Variants in NOTCH3 observed in about 807,000 individuals in gnomAD.
NOTCH3 encodes the protein neurogenic locus notch homolog protein 3.
Under a neutral mutation model 213.3 loss-of-function variants are expected in NOTCH3, and 86 were observed. The observed-to-expected ratio is 0.40, with a 90% CI of 0.34 to 0.48. The LOEUF is 0.48. Among genes scored for constraint, NOTCH3 ranks in the 20% least tolerant of loss-of-function variants. NOTCH3 has a pLI of 0.57. For synonymous variants in NOTCH3, 1,354 were observed against 1,355.9 expected, an observed-to-expected ratio of 1.00 and a Z score of 0.03; for missense variants, 2,783 against 3,272.6, an observed-to-expected ratio of 0.85 and a Z score of 3.65.
In NOTCH3 at chr19:15,180,081, G is replaced by A. The variant is rs749127327; in HGVS notation, c.3318C>T (p.Tyr1106=). 1.9e-6 allele frequency: 3 copies of A among 1,608,670 alleles called. No homozygotes were observed. Among genetic ancestry groups the A allele is most frequent in the Non-Finnish European group, 2.5e-6 (3 of 1,176,840 alleles). ...GGTCRGYMGG[Y]MCECLPGYNG... is the part of the protein sequence containing the mutation. ...GGGAGCGCCCCCTTACCTCACACAT[G>A]TAGCCCCCCATATAGCCACGGCAGG... is the stretch of plus-strand genomic sequence containing the variant. Residue 1106 remains tyrosine (Y), a synonymous_variant, in exon 20 of 33, where the codon TAC becomes TAT. Transcript: ENST00000263388.
chr19:15,162,245 G>A, intron 32 of NOTCH3: 1 of 559,442 alleles, frequency 1.8e-6, no homozygotes, highest in South Asian at 2.0e-5. Context: ...ACCTCCCAAA[G>A]TGCTGGGATT....
chr19:15,177,701 G>A lies in NOTCH3; in HGVS notation c.4227C>T (p.Gly1409=), dbSNP rs1014371988. Reference sequence around the variant, plus strand: ...AGCAGTCGCCGCCGTCCCAGCCGCAGCCTGGGCTGTTGCACTCGCGGTCGC... The same window carrying A: ...AGCAGTCGCCGCCGTCCCAGCCGCAACCTGGGCTGTTGCACTCGCGGTCGC... ...QRCDRECNSP[G]CGWDGGDCSL... is the part of the protein sequence containing the mutation. The change falls in exon 24 of 33, where the codon GGC becomes GGT. Residue 1409 remains glycine, a synonymous_variant. Coordinates refer to ENST00000263388, the MANE Select transcript of NOTCH3 (RefSeq NM_000435.3). The A allele has an allele frequency of 3.9e-6, 6 of 1,539,282 alleles. No individual in the cohort carries two copies. The highest frequency in any genetic ancestry group is 5.2e-6 in the Non-Finnish European group (6 of 1,149,894).
rs763549266 is a variant in NOTCH3 at position 15,165,541 on chromosome 19, G to A, written c.5668-26C>T. Reference sequence around the variant, plus strand: ...CTAGGACAGAGAGTGGATGCAGCAGGAGGGGTCATGGCAGGAACAGAGGAA... The same window carrying A: ...CTAGGACAGAGAGTGGATGCAGCAGAAGGGGTCATGGCAGGAACAGAGGAA... On this transcript the variant is annotated intron_variant, in intron 30 of 32. Coordinates refer to ENST00000263388, the MANE Select transcript of NOTCH3 (RefSeq NM_000435.3). The surrounding 1 kb of genome is among the most constrained non-coding windows in gnomAD (Gnocchi z 4.7). The A allele has an allele frequency of 1.2e-6, 2 of 1,608,378 alleles. No homozygotes were observed. The highest frequency in any genetic ancestry group is 1.7e-5 in the Admixed American group (1 of 59,990).
intron 23 of NOTCH3, 190 bp from the exon 24 acceptor site, chr19:15,178,280 C>T: frequency 1.8e-6 from 1 of 543,224 alleles, no homozygotes; most frequent in Non-Finnish European, 3.2e-6. Flanking sequence ...CCTTTCCACA[C>T]TGGAGACCCC....
In NOTCH3 at chr19:15,185,630, G is replaced by A. The variant is rs762996773; in HGVS notation, c.2001C>T (p.Gly667=). The A allele has an allele frequency of 5.6e-6, 9 of 1,613,422 alleles. No individual in the cohort carries two copies. Among genetic ancestry groups the A allele is most frequent in the Middle Eastern group, 1.6e-4 (1 of 6,084 alleles). ...CCCCATCCACACAGGAACCTCCCTC[G>A]CCGCATGGGCTGGAAGCACACTCAT... ...EINECASSPC[G]EGGSCVDGEN... is the part of the protein sequence containing the mutation. The change falls in exon 13 of 33, where the codon GGC becomes GGT. Residue 667 remains glycine (G), a synonymous_variant. Transcript: ENST00000263388. This position sits in a 1 kb window ranked among gnomAD's most constrained non-coding sequence, Gnocchi z 4.2.
Position 15,160,164 on chromosome 19 carries a change from C to A in NOTCH3, c.*498G>T, listed in dbSNP as rs1368712990. The A allele has an allele frequency of 4.2e-6, 1 of 239,312 alleles. No homozygotes were observed. Among genetic ancestry groups the A allele is most frequent in the East Asian group, 6.0e-5 (1 of 16,766 alleles). The allele number at this position is 239,312 out of a possible 1,614,324, so 14.8% of individuals were successfully genotyped here. A position where few individuals can be genotyped will look rare whatever the true frequency, so the allele number is the denominator to read the frequency against. ...GCCTGTGTACTAGGTACACAGAATC[C>A]AGCTTGGCCGAATGGGCCCACAGAC... On this transcript the variant is annotated 3_prime_UTR_variant, in exon 33 of 33. Coordinates refer to ENST00000263388, the MANE Select transcript of NOTCH3 (RefSeq NM_000435.3).
rs184287487 is a variant in NOTCH3, at chr19:15,163,406, A to G, written c.5816-844T>C. 2.0e-5 allele frequency among the ~76,000 whole-genome samples: 3 copies of G among 152,354 alleles called. No individual in the cohort carries two copies. In the East Asian group the frequency reaches 5.8e-4, roughly 29 times the overall value. ...CTAAATATATGAGCTCCAACTATAG[A>G]ACTAAACATCTAGAAGAAAACATAA... On this transcript the variant is annotated intron_variant, in intron 31 of 32. Coordinates refer to ENST00000263388, the MANE Select transcript of NOTCH3 (RefSeq NM_000435.3).
intron 24 of NOTCH3, among the ~76,000 whole-genome samples, chr19:15,177,173 C>T (rs1305462655): frequency 1.3e-5 from 2 of 151,372 alleles, no homozygotes; most frequent in Non-Finnish European, 2.9e-5. Flanking sequence ...TGCTTAAACC[C>T]GGGAGGCAGA....
chr19:15,167,309 G>T lies in NOTCH3; in HGVS notation c.5302C>A (p.Leu1768Met). 1.9e-6 allele frequency: 3 copies of T among 1,613,656 alleles called. No homozygotes were observed. The highest frequency in any genetic ancestry group is 2.5e-6 in the Non-Finnish European group (3 of 1,180,016). Residue 1768 changes from leucine to methionine, a missense_variant, in exon 29 of 33, where the codon CTG becomes ATG. Leu to Met is a conservative substitution (Grantham distance 15). Coordinates refer to ENST00000263388, the MANE Select transcript of NOTCH3 (RefSeq NM_000435.3). ...ADIRVAPAMA[L>M]TPPQGDADAD... is the part of the protein sequence containing the mutation. ...TCTGCGTCGCCCTGTGGTGGTGTCA[G>T]TGCCATGGCTGGTGCCACGCGGATG...
At chr19:15,197,738 C>CA (rs1568364148) in intron 1 of NOTCH3, among the ~76,000 whole-genome samples, 160 bp from the exon 2 acceptor site, 2 of 69,172 alleles carry the variant, frequency 2.9e-5, no homozygotes, top group Non-Finnish European at 9.1e-5. Context: ...TCCCACGCCC[C>CA]CCCCCCCCCC....
chr19:15,180,611 C>A (rs2046831215), intron 19 of NOTCH3, 70 bp downstream of exon 19: 1 of 1,514,698 alleles, frequency 6.6e-7, no homozygotes, highest in Non-Finnish European at 8.9e-7. Flanking sequence ...ATTCGGCTCA[C>A]ACTAGCAGGA....
At chr19:15,197,366 T>G in intron 2 of NOTCH3, 134 bp downstream of exon 2, 1 of 831,750 alleles carries the variant, frequency 1.2e-6, no homozygotes, top group Non-Finnish European at 2.0e-6. Flanking sequence ...CACGAGAGGT[T>G]GCCCAAGCCA....
At chr19:15,184,551 G>T in intron 15 of NOTCH3, 101 bp from the exon 16 acceptor site, 1 of 1,145,320 alleles carries the variant, frequency 8.7e-7, no homozygotes, top group Non-Finnish European at 1.3e-6. Context: ...GATGGGTGAA[G>T]GCAAAATAAG....
At chr19:15,196,328 G>A (rs1174514685) in intron 2 of NOTCH3, among the ~76,000 whole-genome samples, 1 of 152,120 alleles carries the variant, frequency 6.6e-6, no homozygotes, top group Non-Finnish European at 1.5e-5. Flanking sequence ...CTCCAGGTAA[G>A]GTCACACTTT....
At position 15,165,088 on chromosome 19, in the gene NOTCH3, T is replaced by A. The variant is rs1015834700; in HGVS notation, c.5815+280A>T. 5.3e-5 allele frequency among the ~76,000 whole-genome samples: 8 copies of A among 152,092 alleles called. No homozygotes were observed. The highest frequency in any genetic ancestry group is 1.9e-4 in the African/African-American group (8 of 41,404). On this transcript the variant is annotated intron_variant, in intron 31 of 32. Coordinates refer to ENST00000263388, the MANE Select transcript of NOTCH3 (RefSeq NM_000435.3). This position sits in a 1 kb window ranked among gnomAD's most constrained non-coding sequence, Gnocchi z 4.7. ...CACCACACATGGCCTGATGTGTACG[T>A]TTATTATAATAACTTCCAGCAGGTG...
At position 15,161,982 on chromosome 19, in the gene NOTCH3, CT is replaced by C. The variant is rs71168583; in HGVS notation, c.5914-269del. ...TTAGGCATAACTTTTTTTTTCTTGT[CT>C]TTTTTTTTTTTTTTTTTTGACAGAG... On this transcript the variant is annotated intron_variant, in intron 32 of 32. Coordinates refer to ENST00000263388, the MANE Select transcript of NOTCH3 (RefSeq NM_000435.3). Among the ~76,000 whole-genome samples, 17,631 of 114,012 alleles carry C rather than the reference CT, an allele frequency of 0.15. 1,083 individuals carry two copies. Among genetic ancestry groups the C allele is most frequent in the African/African-American group, 0.26 (7,412 of 28,160 alleles). 74.8% of individuals were successfully genotyped at this position (114,012 alleles called of 152,430 possible). A position where few individuals can be genotyped will look rare whatever the true frequency, so the allele number is the denominator to read the frequency against.
intron 16 of NOTCH3, among the ~76,000 whole-genome samples, chr19:15,182,599 G>A (rs913406751): frequency 4.6e-5 from 7 of 151,282 alleles, no homozygotes; most frequent in African/African-American, 2.4e-5. Context: ...GGGTTAAATA[G>A]ATTATATACA....
rs956122688 is a variant in NOTCH3, at chr19:15,185,828, G to A, written c.1952-149C>T. 6.2e-5 allele frequency: 48 copies of A among 768,860 alleles called. No individual in the cohort carries two copies. Among genetic ancestry groups the A allele is most frequent in the Admixed American group, 1.2e-4 (6 of 49,532 alleles). 47.6% of individuals were successfully genotyped at this position (768,860 alleles called of 1,614,324 possible). A position where few individuals can be genotyped will look rare whatever the true frequency, so the allele number is the denominator to read the frequency against. On this transcript the variant is annotated intron_variant, in intron 12 of 32. Transcript: ENST00000263388. The surrounding 1 kb of genome is among the most constrained non-coding windows in gnomAD (Gnocchi z 4.2). ...AGCTCTTGTGCAGATTAGGACACCC[G>A]CCTCCTCAACCAAGAGCTGACTTGC...
chr19:15,160,432 T>G lies in NOTCH3; in HGVS notation c.*230A>C. On this transcript the variant is annotated 3_prime_UTR_variant, in exon 33 of 33. Transcript: ENST00000263388. ...AGTGGGGAAGAAGGAGGTCCCAGACTCTTCACAAGACTGAGAGGGTGGGTG... is the reference window on the plus strand; with the variant it reads ...AGTGGGGAAGAAGGAGGTCCCAGACGCTTCACAAGACTGAGAGGGTGGGTG... 1 of 581,218 alleles carries G rather than the reference T, an allele frequency of 1.7e-6. No homozygotes were observed. Among genetic ancestry groups the G allele is most frequent in the Non-Finnish European group, 3.1e-6 (1 of 325,706 alleles). 36.0% of individuals were successfully genotyped at this position (581,218 alleles called of 1,614,324 possible). A position where few individuals can be genotyped will look rare whatever the true frequency, so the allele number is the denominator to read the frequency against.
Sources: allele counts gnomAD v4.1 joint callset (sites outside exome capture counted in the v4.1 genomes callset), GRCh38; gene constraint gnomAD v4.1.1; non-coding constraint Gnocchi (gnomAD v3.1); transcripts MANE v1.5; gene names NCBI Gene and HGNC (gene_info 2026-07-23, HGNC 2026-07-21).